The following TEX36 variants were observed in gnomAD, a reference collection of about 807,000 sequenced individuals.
TEX36 encodes the protein testis expressed 36, also known as testis-expressed protein 36.
A neutral mutation model predicts 13.6 loss-of-function variants in TEX36; 12 were observed. The ratio of observed to expected loss-of-function variants is 0.88; its 90% CI spans 0.56 to 1.43. The LOEUF is 1.43. Ranked by LOEUF, TEX36 falls within the 40% of genes most tolerant of loss-of-function variation. TEX36 has a pLI of 0.00. For missense variants in TEX36, 224 were observed against 228.3 expected, an observed-to-expected ratio of 0.98 and a Z score of 0.12; for synonymous variants, 93 against 83.0, an observed-to-expected ratio of 1.12 and a Z score of -0.65.
At chr10:125,616,942 G>A (rs1846367609), downstream of TEX36, among the ~76,000 whole-genome samples, 1 of 152,126 alleles carries the variant, frequency 6.6e-6, no homozygotes, top group Non-Finnish European at 1.5e-5. Flanking sequence ...AGGTCTCTAA[G>A]GACTTGCTTT....
intron 3 of TEX36, among the ~76,000 whole-genome samples, chr10:125,600,235 A>G (rs1313448619): frequency 6.6e-6 from 1 of 152,186 alleles, no homozygotes; most frequent in Non-Finnish European, 1.5e-5. Context: ...AAATTTTGGA[A>G]GAGTTGGCTG....
intron 3 of TEX36, among the ~76,000 whole-genome samples, chr10:125,656,681 C>T (rs1846949675): frequency 1.3e-5 from 2 of 152,140 alleles, no homozygotes; most frequent in Non-Finnish European, 2.9e-5. Flanking sequence ...TGAATTGACA[C>T]TCACAAAACC....
intron 3 of TEX36, among the ~76,000 whole-genome samples, chr10:125,648,396 C>T (rs185603176): frequency 5.3e-5 from 8 of 152,324 alleles, no homozygotes; most frequent in East Asian, 3.9e-4. Context: ...AAACAGCATC[C>T]GGAGTGAACC....
chr10:125,617,449 G>A (rs577013740), downstream of TEX36, among the ~76,000 whole-genome samples: 27 of 152,202 alleles, frequency 1.8e-4, no homozygotes, highest in East Asian at 1.9e-3. Flanking sequence ...CATGCTTAGC[G>A]CTTCCTTCAG....
chr10:125,682,993 C>G lies in TEX36; in HGVS notation c.-4G>C. 3 of 1,551,740 alleles carry G rather than the reference C, an allele frequency of 1.9e-6. No individual in the cohort carries two copies. Among genetic ancestry groups the G allele is most frequent in the Non-Finnish European group, 2.6e-6 (3 of 1,147,002 alleles). ...TGAAGCGTCGCCCTTTGGTCATTCT[C>G]TCCAGGAAGCTGAATGTGGCTGAGA... On this transcript the variant is annotated 5_prime_UTR_variant, in exon 1 of 4. Coordinates refer to ENST00000368821, the MANE Select transcript of TEX36 (RefSeq NM_001128202.3).
At chr10:125,676,381 T>C (rs1287042376) in intron 1 of TEX36, among the ~76,000 whole-genome samples, 1 of 152,228 alleles carries the variant, frequency 6.6e-6, no homozygotes, top group Non-Finnish European at 1.5e-5. Flanking sequence ...TTTGTATTTT[T>C]TTTACTGTTC....
chr10:125,682,920 G>C lies in TEX36; in HGVS notation c.51+19C>G, dbSNP rs1352507882. The C allele has an allele frequency of 6.4e-7, 1 of 1,551,736 alleles. No individual in the cohort carries two copies. The highest frequency in any genetic ancestry group is 8.7e-7 in the Non-Finnish European group (1 of 1,146,998). ...CCACGTGGCATGAGAAAGGCACCAG[G>C]GGCCACCATCTTCCTTACCCATCTC... is the stretch of plus-strand genomic sequence containing the variant. On this transcript the variant is annotated intron_variant, in intron 1 of 3. Transcript: ENST00000368821.
At chr10:125,626,766 C>T (rs1260268542) in intron 3 of TEX36, among the ~76,000 whole-genome samples, 1 of 152,142 alleles carries the variant, frequency 6.6e-6, no homozygotes, top group East Asian at 1.9e-4. Flanking sequence ...AAATCCAACA[C>T]CGAACACTAC....
At chr10:125,680,717 T>C (rs1348190763) in intron 1 of TEX36, among the ~76,000 whole-genome samples, 5 of 152,236 alleles carry the variant, frequency 3.3e-5, no homozygotes, top group Non-Finnish European at 7.3e-5. Flanking sequence ...TACAAGTTAC[T>C]TTGGGAAACT....
chr10:125,576,824 C>G (rs1160133036), exon 4 of TEX36: 1 of 1,536,006 alleles, frequency 6.5e-7, no homozygotes, highest in Admixed American at 2.0e-5. Flanking sequence ...GCTCATAGAA[C>G]TCTTGTCTCT....
intron 1 of TEX36, among the ~76,000 whole-genome samples, chr10:125,679,445 C>T (rs1847362103): frequency 6.6e-6 from 1 of 152,182 alleles, no homozygotes; most frequent in Admixed American, 6.5e-5. Context: ...CAGAAAGGAA[C>T]CCAGCATGAC....
Position 125,656,164 on chromosome 10 carries a change from C to T in TEX36, c.297G>A (p.Lys99=), listed in dbSNP as rs746076407. 3.9e-6 allele frequency: 6 copies of T among 1,533,122 alleles called. No homozygotes were observed. Among genetic ancestry groups the T allele is most frequent in the Non-Finnish European group, 5.3e-6 (6 of 1,139,860 alleles). The allele number at this position is 1,533,122 out of a possible 1,614,324, so 95.0% of individuals were successfully genotyped here. Residue 99 remains lysine, a synonymous_variant, in exon 4 of 4, where the codon AAG becomes AAA. Coordinates refer to ENST00000368821, the MANE Select transcript of TEX36 (RefSeq NM_001128202.3). ...TAAAATTTCTTGAAACATGTTGCCTCTTATCTGGAGAGATCTTCTTACGTC... is the reference window on the plus strand; with the variant it reads ...TAAAATTTCTTGAAACATGTTGCCTTTTATCTGGAGAGATCTTCTTACGTC... ...GLGRKKISPD[K]RQHVSRNFNL...
In TEX36 at chr10:125,661,990, C is replaced by T. The variant is rs1301572395; in HGVS notation, c.52-13G>A. The T allele has an allele frequency of 2.6e-6, 4 of 1,552,390 alleles. No homozygotes were observed. In the Admixed American group the frequency reaches 5.9e-5, roughly 23 times the overall value. On this transcript the variant is annotated splice_polypyrimidine_tract_variant and intron_variant, in intron 1 of 3. Transcript: ENST00000368821. ...CGATGTGAGGGAACTGGAAGAACAG[C>T]ACACGCCTTGATTAAAACCAGACAC...
chr10:125,591,496 A>G (rs1589744058), intron 3 of TEX36, among the ~76,000 whole-genome samples: 1 of 152,200 alleles, frequency 6.6e-6, no homozygotes, highest in African/African-American at 2.4e-5. Context: ...GGCAGGATCC[A>G]CACACTATCC....
chr10:125,615,210 C>A (rs1447296268), intron 3 of TEX36, among the ~76,000 whole-genome samples: 10 of 152,024 alleles, frequency 6.6e-5, no homozygotes, highest in South Asian at 4.2e-4. Context: ...TCTAGATATA[C>A]AATCATGTCA....
At chr10:125,589,726 A>G (rs1304255064) in intron 3 of TEX36, among the ~76,000 whole-genome samples, 1 of 152,206 alleles carries the variant, frequency 6.6e-6, no homozygotes, top group Non-Finnish European at 1.5e-5. Context: ...TCAATTATCT[A>G]CTATTGTATT....
chr10:125,619,146 A>G (rs144007522), downstream of TEX36, among the ~76,000 whole-genome samples: 61 of 151,862 alleles, frequency 4.0e-4, no homozygotes, highest in African/African-American at 1.4e-3. Flanking sequence ...ATAAAAATAA[A>G]AAAATAAAAA....
intron 1 of TEX36, among the ~76,000 whole-genome samples, chr10:125,676,284 G>A (rs1374009047): frequency 2.0e-5 from 3 of 152,192 alleles, no homozygotes; most frequent in Admixed American, 6.5e-5. Context: ...TTATGAATCT[G>A]GGTGCTCCAG....
intron 3 of TEX36, among the ~76,000 whole-genome samples, chr10:125,593,872 G>A (rs541760560): frequency 1.3e-5 from 2 of 152,298 alleles, no homozygotes; most frequent in Non-Finnish European, 2.9e-5. Context: ...ATATACTTAA[G>A]GCCACTGGAT....
Sources: allele counts gnomAD v4.1 joint callset (sites outside exome capture counted in the v4.1 genomes callset), GRCh38; gene constraint gnomAD v4.1.1; transcripts MANE v1.5; gene names NCBI Gene and HGNC (gene_info 2026-07-23, HGNC 2026-07-21).